AP4E1: variants seen among roughly 807,000 people sequenced by gnomAD.
AP4E1 encodes the protein AP-4 complex subunit epsilon-1.
A neutral mutation model predicts 128.2 loss-of-function variants in AP4E1; 56 were observed. That is an observed-to-expected ratio of 0.44 (90% CI 0.35 to 0.55). The LOEUF (loss-of-function observed/expected upper bound fraction) is 0.55. Ranked by LOEUF, AP4E1 falls within the 20% of genes least tolerant of loss-of-function variation. The probability of loss-of-function intolerance (pLI) is 0.00; values close to 1 mark genes in which losing one functional copy is unlikely to be tolerated. For synonymous variants in AP4E1, 484 were observed against 473.1 expected (o/e 1.02, Z -0.30); for missense variants, 1,324 against 1,307.7 (o/e 1.01, Z -0.19).
At chr15:50,980,476 G>T (rs80021522) in intron 15 of AP4E1, among the ~76,000 whole-genome samples, 6,936 of 152,258 alleles carry the variant, frequency 0.046, 515 homozygotes, top group African/African-American at 0.16. Flanking sequence ...AAGCATGACA[G>T]ACGGAAAATT....
intron 15 of AP4E1, among the ~76,000 whole-genome samples, chr15:50,981,805 G>A (rs1184572755): frequency 6.6e-6 from 1 of 152,052 alleles, no homozygotes; most frequent in Non-Finnish European, 1.5e-5. Context: ...GCAAGTTCGG[G>A]CCAGATGCAG....
At chr15:50,945,738 A>G in intron 10 of AP4E1, 2 of 777,528 alleles carry the variant, frequency 2.6e-6, no homozygotes, top group South Asian at 1.4e-5. Context: ...CTTCTGAAAA[A>G]TTTGGTGTGC....
Position 50,941,527 on chromosome 15 carries a change from A to G in AP4E1, c.1029A>G (p.Lys343=). ...LLEKAAKCIG[K]FVLSPKINLK... ...AGAAGGCTGCCAAGTGCATTGGAAAATTTGTTCTGTCACCTAAAATAAATC... is the reference window on the plus strand; with the variant it reads ...AGAAGGCTGCCAAGTGCATTGGAAAGTTTGTTCTGTCACCTAAAATAAATC... The change falls in exon 9 of 21, where the codon AAA becomes AAG. Residue 343 remains lysine, a synonymous_variant. Transcript: ENST00000261842. 6.2e-7 allele frequency: 1 copy of G among 1,613,214 alleles called. No homozygotes were observed. The highest frequency in any genetic ancestry group is 8.5e-7 in the Non-Finnish European group (1 of 1,179,640).
chr15:50,926,641 C>T (rs2063772576), intron 5 of AP4E1, among the ~76,000 whole-genome samples: 1 of 151,196 alleles, frequency 6.6e-6, no homozygotes, highest in African/African-American at 2.4e-5. Flanking sequence ...CTCGGTCGCC[C>T]AGGCTGGAGT....
chr15:51,001,028 C>G lies in AP4E1; in HGVS notation c.3098C>G (p.Pro1033Arg). ...VNLSLLDFIRPLKISSDDFGK... is the reference protein window; with the variant it reads ...VNLSLLDFIRRLKISSDDFGK... ...CTAATTTTAAAAATTATTTTCAGACCATTAAAAATCTCAAGTGACGACTTT... is the reference window on the plus strand; with the variant it reads ...CTAATTTTAAAAATTATTTTCAGACGATTAAAAATCTCAAGTGACGACTTT... Residue 1033 changes from proline (P) to arginine (R), a missense_variant and splice_region_variant, in exon 20 of 21, where the codon CCA becomes CGA. By Grantham distance (103) the Pro-to-Arg change is moderately radical. Transcript: ENST00000261842. 6.2e-7 allele frequency: 1 copy of G among 1,608,338 alleles called. No homozygotes were observed. The highest frequency in any genetic ancestry group is 8.5e-7 in the Non-Finnish European group (1 of 1,175,590).
In AP4E1 at chr15:50,958,681, A is replaced by G. The variant is rs562913612; in HGVS notation, c.1738A>G (p.Ile580Val). Residue 580 changes from isoleucine (I) to valine (V), a missense_variant, in exon 14 of 21, where the codon ATA becomes GTA. Physicochemically the swap from Ile to Val is conservative, Grantham distance 29 (BLOSUM62 3). Coordinates refer to ENST00000261842, the MANE Select transcript of AP4E1 (RefSeq NM_007347.5). ...TVERLIHEFT[I>V]SLDTCMRQHA... Reference sequence around the variant, plus strand: ...TGAGAGATTAATCCATGAATTTACCATATCTTTGGATACTTGTATGAGACA... The same window carrying G: ...TGAGAGATTAATCCATGAATTTACCGTATCTTTGGATACTTGTATGAGACA... 9 of 1,614,032 alleles carry G rather than the reference A, an allele frequency of 5.6e-6. No homozygotes were observed. In the Middle Eastern group the frequency reaches 8.2e-4, roughly 147 times the overall value.
intron 14 of AP4E1, among the ~76,000 whole-genome samples, chr15:50,963,137 G>C (rs1392201354): frequency 1.3e-5 from 2 of 152,058 alleles, no homozygotes; most frequent in African/African-American, 4.8e-5. Flanking sequence ...CTCATGCACT[G>C]TTAGTAGGAA....
intron 14 of AP4E1, among the ~76,000 whole-genome samples, chr15:50,963,794 T>C (rs2064349615): frequency 6.6e-6 from 1 of 152,256 alleles, no homozygotes; most frequent in Admixed American, 6.5e-5. Context: ...ACACATTCTA[T>C]GCATGTATCA....
At chr15:50,949,984 A>G (rs755771857) in intron 12 of AP4E1, 46 bp downstream of exon 12, 7 of 1,591,988 alleles carry the variant, frequency 4.4e-6, no homozygotes, top group Non-Finnish European at 5.2e-6. Flanking sequence ...TTAAAGTTTA[A>G]TGTTTTTATT....
At chr15:50,994,887 G>A (rs2064848865) in intron 17 of AP4E1, among the ~76,000 whole-genome samples, 2 of 152,104 alleles carry the variant, frequency 1.3e-5, no homozygotes, top group Non-Finnish European at 2.9e-5. Context: ...ATATTATTAG[G>A]ATGTTTTTTC....
At chr15:50,911,521 T>C (rs993577815) in intron 1 of AP4E1, among the ~76,000 whole-genome samples, 1 of 146,398 alleles carries the variant, frequency 6.8e-6, no homozygotes, top group Non-Finnish European at 1.5e-5. Flanking sequence ...CTTGCTCTGT[T>C]ACCCAGGCTG....
At chr15:50,973,000 A>G (rs921822420) in intron 15 of AP4E1, among the ~76,000 whole-genome samples, 2 of 152,262 alleles carry the variant, frequency 1.3e-5, no homozygotes, top group African/African-American at 4.8e-5. Context: ...TAAAGGAAAG[A>G]GTAACTTTGT....
chr15:50,942,849 T>TA (rs2064006562), intron 10 of AP4E1, among the ~76,000 whole-genome samples: 1 of 151,806 alleles, frequency 6.6e-6, no homozygotes, highest in Non-Finnish European at 1.5e-5. Flanking sequence ...TAGTTAAGAG[T>TA]AAAAAATTCT....
At chr15:50,983,260 A>G (rs916370745) in intron 15 of AP4E1, among the ~76,000 whole-genome samples, 2 of 152,232 alleles carry the variant, frequency 1.3e-5, no homozygotes, top group African/African-American at 4.8e-5. Context: ...CCCAGCAATC[A>G]TGTTGCAGTC....
Position 51,002,730 on chromosome 15 carries a change from T to C in AP4E1, c.*68T>C, listed in dbSNP as rs139335966. On this transcript the variant is annotated 3_prime_UTR_variant, in exon 21 of 21. Coordinates refer to ENST00000261842, the MANE Select transcript of AP4E1 (RefSeq NM_007347.5). The stretch of plus-strand genomic sequence containing the variant: ...ACATAGATAAACTTATTTACCAAAG[T>C]AAAAAGAACTCATGGTACTTCTAAT... 3.8e-6 allele frequency: 6 copies of C among 1,562,004 alleles called. No individual in the cohort carries two copies. In the East Asian group the frequency reaches 1.4e-4, roughly 35 times the overall value.
intron 10 of AP4E1, among the ~76,000 whole-genome samples, chr15:50,943,630 C>G (rs2064017500): frequency 6.6e-6 from 1 of 152,154 alleles, no homozygotes; most frequent in South Asian, 2.1e-4. Flanking sequence ...ACAAAGTTGA[C>G]TTAGGTACAG....
At chr15:50,934,456 T>A in intron 7 of AP4E1, 168 bp from the exon 8 acceptor site, 1 of 554,766 alleles carries the variant, frequency 1.8e-6, no homozygotes, top group Non-Finnish European at 3.3e-6. Flanking sequence ...TTCAAGCTCA[T>A]GAAAAACAGC....
chr15:50,962,889 CAA>C (rs71127168), intron 14 of AP4E1, among the ~76,000 whole-genome samples: 6,208 of 38,048 alleles, frequency 0.16, 90 homozygotes, highest in Middle Eastern at 0.21. Flanking sequence ...AATTCAACAG[CAA>C]AAAAAAAAAA....
Position 50,929,186 on chromosome 15 carries a change from G to C in AP4E1, c.702+18G>C, listed in dbSNP as rs758805384. ...TGATTAAGGTAAGTTGGAAATTTTAGCAAGTACTGAGTAGTTACCATTAGA... is the reference window on the plus strand; with the variant it reads ...TGATTAAGGTAAGTTGGAAATTTTACCAAGTACTGAGTAGTTACCATTAGA... On this transcript the variant is annotated intron_variant, in intron 6 of 20. Transcript: ENST00000261842. The C allele has an allele frequency of 4.3e-6, 7 of 1,611,670 alleles. No homozygotes were observed. The East Asian group carries it at 1.6e-4, about 36-fold the overall frequency.
Sources: gnomAD v4.1 joint callset for allele counts (sites outside exome capture counted in the v4.1 genomes callset) on GRCh38, gnomAD v4.1.1 for gene constraint, MANE v1.5 for transcripts, NCBI Gene and HGNC (gene_info 2026-07-23, HGNC 2026-07-21) for gene names.